Variants in SPMIP4 observed in about 807,000 individuals in gnomAD.
SPMIP4 encodes the protein sperm-associated microtubule inner protein 4.
the SPMIP4 span, among the ~76,000 whole-genome samples, chr7:25,160,738 A>G: frequency 6.6e-6 from 1 of 152,254 alleles, no homozygotes; most frequent in Non-Finnish European, 1.5e-5. Flanking sequence ...CCTTACGTTA[A>G]AAATAATACT....
At chr7:25,135,944 C>A in the SPMIP4 span, 1 of 1,548,140 alleles carries the variant, frequency 6.5e-7, no homozygotes, top group South Asian at 1.3e-5. Context: ...TTGCAAGAGG[C>A]TGGGTTTTGA....
the SPMIP4 span, among the ~76,000 whole-genome samples, chr7:25,176,628 T>C: frequency 6.6e-6 from 1 of 152,204 alleles, no homozygotes; most frequent in African/African-American, 2.4e-5. The surrounding 1 kb of genome is among the most constrained non-coding windows in gnomAD (Gnocchi z 4.4). Flanking sequence ...TTTAAAAAAA[T>C]TGGAGAGGAC....
the SPMIP4 span, chr7:25,136,488 G>A: frequency 1.2e-6 from 2 of 1,614,000 alleles, no homozygotes; most frequent in Non-Finnish European, 1.7e-6. This position sits in a 1 kb window ranked among gnomAD's most constrained non-coding sequence, Gnocchi z 5.7. Flanking sequence ...TGCTAGTTAG[G>A]TCTTTTGTTG....
chr7:25,128,992 G>C, the SPMIP4 span, among the ~76,000 whole-genome samples: 1 of 152,226 alleles, frequency 6.6e-6, no homozygotes, highest in African/African-American at 2.4e-5. The surrounding 1 kb of genome is among the most constrained non-coding windows in gnomAD (Gnocchi z 4.5). Context: ...TACCGTGGCT[G>C]AGCTGGTATT....
At chr7:25,132,065 C>T in the SPMIP4 span, among the ~76,000 whole-genome samples, 19 of 152,286 alleles carry the variant, frequency 1.2e-4, no homozygotes, top group African/African-American at 4.6e-4. The surrounding 1 kb of genome is among the most constrained non-coding windows in gnomAD (Gnocchi z 5.0). Context: ...AGAGTGAAAA[C>T]AGATCTCCCA....
chr7:25,142,723 G>T, the SPMIP4 span: 1 of 1,610,402 alleles, frequency 6.2e-7, no homozygotes. Flanking sequence ...AGAGCAAATA[G>T]GGTCCCATGA....
chr7:25,171,803 T>C, the SPMIP4 span, among the ~76,000 whole-genome samples: 4 of 152,234 alleles, frequency 2.6e-5, no homozygotes, highest in Non-Finnish European at 5.9e-5. Flanking sequence ...CACAAGAAGC[T>C]GGGACCTTAA....
chr7:25,134,653 C>A, the SPMIP4 span: 1 of 984,888 alleles, frequency 1.0e-6, no homozygotes. Flanking sequence ...AAGGTATGAA[C>A]ATTACACAAA....
At chr7:25,151,980 G>C in the SPMIP4 span, among the ~76,000 whole-genome samples, 5 of 152,118 alleles carry the variant, frequency 3.3e-5, no homozygotes, top group African/African-American at 1.2e-4. Flanking sequence ...CACCACACTT[G>C]GCTTGTTGCT....
the SPMIP4 span, among the ~76,000 whole-genome samples, chr7:25,153,842 T>C: frequency 8.1e-4 from 123 of 152,372 alleles, no homozygotes; most frequent in African/African-American, 2.8e-3. Flanking sequence ...GCCAGTATAC[T>C]TGATACAGCT....
the SPMIP4 span, chr7:25,155,190 T>C: frequency 1.3e-6 from 2 of 1,506,898 alleles, no homozygotes; most frequent in Non-Finnish European, 1.8e-6. Flanking sequence ...CAAGCAGATC[T>C]CTCTAAGATT....
At chr7:25,158,916 A>G in the SPMIP4 span, among the ~76,000 whole-genome samples, 1 of 152,084 alleles carries the variant, frequency 6.6e-6, no homozygotes, top group Non-Finnish European at 1.5e-5. Flanking sequence ...TCATTAAGAT[A>G]ATGTTCTTGA....
chr7:25,129,392 T>C, the SPMIP4 span, among the ~76,000 whole-genome samples: 1 of 152,190 alleles, frequency 6.6e-6, no homozygotes, highest in African/African-American at 2.4e-5. Flanking sequence ...TGCCCAGTGT[T>C]GTTTTTCACT....
chr7:25,146,661 A>G, the SPMIP4 span, among the ~76,000 whole-genome samples: 12 of 152,212 alleles, frequency 7.9e-5, no homozygotes, highest in Admixed American at 7.9e-4. Context: ...TGAAGGGGTG[A>G]TATCAGTGAG....
At chr7:25,136,012 T>C in the SPMIP4 span, 2 of 1,611,730 alleles carry the variant, frequency 1.2e-6, no homozygotes, top group Non-Finnish European at 1.7e-6. This position sits in a 1 kb window ranked among gnomAD's most constrained non-coding sequence, Gnocchi z 5.7. Flanking sequence ...ATAGAATTGG[T>C]GCTTCATCCC....
chr7:25,165,047 G>A, the SPMIP4 span, among the ~76,000 whole-genome samples: 15 of 152,134 alleles, frequency 9.9e-5, no homozygotes, highest in South Asian at 6.2e-4. Context: ...GGCTGGTTCC[G>A]TATTTTTGCA....
the SPMIP4 span, among the ~76,000 whole-genome samples, chr7:25,133,530 T>C: frequency 6.6e-6 from 1 of 152,226 alleles, no homozygotes; most frequent in Admixed American, 6.5e-5. Flanking sequence ...TCTCTCAGAT[T>C]GTGACCCTTG....
chr7:25,140,858 A>G, the SPMIP4 span, among the ~76,000 whole-genome samples: 1 of 152,230 alleles, frequency 6.6e-6, no homozygotes, highest in African/African-American at 2.4e-5. Context: ...AAGTGCTAGG[A>G]TTACAGGCAT....
At chr7:25,135,697 T>C in the SPMIP4 span, 14 of 956,326 alleles carry the variant, frequency 1.5e-5, no homozygotes, top group Non-Finnish European at 1.8e-5. Flanking sequence ...TTGGAAAATT[T>C]CCTTGTATAA....
Sources: allele counts gnomAD v4.1 joint callset (sites outside exome capture counted in the v4.1 genomes callset), GRCh38; gene constraint gnomAD v4.1.1; non-coding constraint Gnocchi (gnomAD v3.1); transcripts MANE v1.5; gene names NCBI Gene and HGNC (gene_info 2026-07-23, HGNC 2026-07-21).